The following GPATCH1 variants were observed in gnomAD, a reference collection of about 807,000 sequenced individuals.
GPATCH1 encodes the protein G patch domain-containing protein 1.
Under a neutral mutation model 114.9 loss-of-function variants are expected in GPATCH1, and 73 were observed. The ratio of observed to expected loss-of-function variants is 0.64; its 90% CI spans 0.53 to 0.77. GPATCH1 has a LOEUF of 0.77. Among genes scored for constraint, GPATCH1 ranks in the 30% least tolerant of loss-of-function variants. The probability of loss-of-function intolerance (pLI) is 0.00; values close to 1 mark genes in which losing one functional copy is unlikely to be tolerated. For missense variants in GPATCH1, 1,058 were observed against 1,144.3 expected (o/e 0.92, Z 1.09); for synonymous variants, 391 against 428.4 (o/e 0.91, Z 1.08).
At chr19:33,105,957 C>G (rs1249408252) in intron 9 of GPATCH1, among the ~76,000 whole-genome samples, 1 of 151,984 alleles carries the variant, frequency 6.6e-6, no homozygotes, top group Admixed American at 6.6e-5. Context: ...ACGCGACTCT[C>G]CTGCCTCAGC....
intron 8 of GPATCH1, 139 bp from the exon 9 acceptor site, chr19:33,101,356 T>C (rs1313934208): frequency 1.6e-6 from 1 of 624,430 alleles, no homozygotes; most frequent in Non-Finnish European, 2.8e-6. Flanking sequence ...TGTTCTTCCC[T>C]TTACTGCTGC....
intron 1 of GPATCH1, among the ~76,000 whole-genome samples, chr19:33,087,251 T>C (rs1047793526): frequency 6.7e-6 from 1 of 148,442 alleles, no homozygotes; most frequent in Non-Finnish European, 1.5e-5. Flanking sequence ...AATAACTTGA[T>C]TTTTTTTATT....
intron 19 of GPATCH1, among the ~76,000 whole-genome samples, chr19:33,128,732 G>T (rs1404767379): frequency 2.0e-5 from 3 of 152,210 alleles, no homozygotes; most frequent in Admixed American, 2.0e-4. Flanking sequence ...TTCTTTGAGT[G>T]TCTGGCTTCT....
At chr19:33,111,417 G>T (rs2145327956) in intron 11 of GPATCH1, among the ~76,000 whole-genome samples, 1 of 149,780 alleles carries the variant, frequency 6.7e-6, no homozygotes, top group South Asian at 2.1e-4. Context: ...GAGAGATGGG[G>T]TTTCACCATG....
chr19:33,118,556 C>T (rs1387945775), intron 16 of GPATCH1, among the ~76,000 whole-genome samples: 2 of 152,074 alleles, frequency 1.3e-5, no homozygotes, highest in African/African-American at 2.4e-5. Flanking sequence ...AGATTATTAA[C>T]GTGAATATGA....
At position 33,091,691 on chromosome 19, in the gene GPATCH1, A is replaced by G. The variant is rs1336303719; in HGVS notation, c.294+826A>G. On this transcript the variant is annotated intron_variant, in intron 3 of 19. Transcript: ENST00000170564. ...GGGTTGATCTGTGCAGCAAACCTCC[A>G]TGACACACATTTACCTGTGTAACAA... 3.9e-5 allele frequency among the ~76,000 whole-genome samples: 6 copies of G among 152,296 alleles called. No individual in the cohort carries two copies. In the East Asian group the frequency reaches 1.2e-3, roughly 29 times the overall value.
At chr19:33,104,722 G>C (rs1392443096) in intron 9 of GPATCH1, among the ~76,000 whole-genome samples, 1 of 152,082 alleles carries the variant, frequency 6.6e-6, no homozygotes, top group African/African-American at 2.4e-5. Flanking sequence ...GCGGAGAGAG[G>C]GGCCGGGAGA....
At chr19:33,127,519 TA>T (rs60093662) in intron 19 of GPATCH1, among the ~76,000 whole-genome samples, 46,646 of 106,420 alleles carry the variant, frequency 0.44, 8,756 homozygotes, top group African/African-American at 0.59. Context: ...CTTGTCTCAA[TA>T]AAAAAAAAAA....
intron 1 of GPATCH1, among the ~76,000 whole-genome samples, chr19:33,083,552 G>A (rs1972503557): frequency 6.6e-6 from 1 of 151,430 alleles, no homozygotes. Flanking sequence ...ATTCCACTAC[G>A]CCTGGCTAAT....
At chr19:33,095,911 C>G (rs1972652805) in intron 6 of GPATCH1, 91 bp downstream of exon 6, 1 of 929,828 alleles carries the variant, frequency 1.1e-6, no homozygotes, top group Admixed American at 1.7e-5. Flanking sequence ...TTTTAGAAAT[C>G]AGATCCAATA....
Position 33,109,992 on chromosome 19 carries a change from G to A in GPATCH1, c.1561G>A (p.Val521Ile), listed in dbSNP as rs201456156. The A allele has an allele frequency of 7.2e-5, 116 of 1,611,588 alleles. No homozygotes were observed. In the African/African-American group the frequency reaches 1.3e-3, roughly 18 times the overall value. Reference protein sequence around the residue: ...EKQKRYDEFLVHMKQGQKDAL... With the variant: ...EKQKRYDEFLIHMKQGQKDAL... ...GCAAAAGCGATACGACGAGTTCTTA[G>A]TACACATGAAACAGGGTCAGAAAGG... Residue 521 changes from valine (V) to isoleucine (I), a missense_variant, in exon 11 of 20, where the codon GTA becomes ATA. Physicochemically the swap from Val to Ile is conservative, Grantham distance 29 (BLOSUM62 3). This residue lies in a region of GPATCH1 where 893 missense variants were observed against 977.4 expected (regional missense o/e 0.91). Transcript: ENST00000170564.
Position 33,117,965 on chromosome 19 carries a change from T to C in GPATCH1, c.2337T>C (p.Asp779=), listed in dbSNP as rs780872849. Residue 779 remains aspartate, a synonymous_variant, in exon 16 of 20, where the codon GAT becomes GAC. Coordinates refer to ENST00000170564, the MANE Select transcript of GPATCH1 (RefSeq NM_018025.3). ...SEDEQGDSED[D]QAGSGEANFQ... ...ATGAGCAAGGTGACAGTGAAGATGA[T>C]CAGGCAGGCTCTGGGGAGGCCAACT... 12 of 1,613,706 alleles carry C rather than the reference T, an allele frequency of 7.4e-6. No individual in the cohort carries two copies. The East Asian group carries it at 2.5e-4, about 33-fold the overall frequency.
chr19:33,121,310 C>G (rs1163644397), intron 17 of GPATCH1, among the ~76,000 whole-genome samples: 2 of 137,840 alleles, frequency 1.5e-5, no homozygotes. Context: ...TTTTCTTTTT[C>G]TTTTCTTTTC....
At position 33,109,931 on chromosome 19, in the gene GPATCH1, C is replaced by T; in HGVS notation, c.1500C>T (p.Ala500=). ...GTGGTGGGACGGCCACCTTAAAAGC[C>T]AGCAACTTCAAGCCTTTCGCCAAAG... ...ALGGGTATLK[A]SNFKPFAKDP... The change falls in exon 11 of 20, where the codon GCC becomes GCT. Residue 500 remains alanine (A), a synonymous_variant. Transcript: ENST00000170564. The T allele has an allele frequency of 1.2e-6, 2 of 1,614,164 alleles. No homozygotes were observed. Among genetic ancestry groups the T allele is most frequent in the Non-Finnish European group, 8.5e-7 (1 of 1,180,020 alleles).
intron 3 of GPATCH1, among the ~76,000 whole-genome samples, chr19:33,093,075 C>A (rs1333693457): frequency 1.3e-5 from 2 of 152,110 alleles, no homozygotes; most frequent in Non-Finnish European, 2.9e-5. Flanking sequence ...GTAATCCCAG[C>A]TACTTGGGAG....
At chr19:33,115,415 T>A (rs1599863702) in intron 15 of GPATCH1, among the ~76,000 whole-genome samples, 1 of 151,326 alleles carries the variant, frequency 6.6e-6, no homozygotes, top group Admixed American at 6.6e-5. Context: ...TTATCCCTGG[T>A]AATTTTCTTT....
At chr19:33,088,299 C>A in intron 2 of GPATCH1, 31 bp downstream of exon 2, 1 of 1,481,706 alleles carries the variant, frequency 6.7e-7, no homozygotes, top group Non-Finnish European at 9.2e-7. Context: ...GCTATTATAC[C>A]ATTAAAGCAA....
chr19:33,098,522 G>A (rs1172984223), intron 8 of GPATCH1, among the ~76,000 whole-genome samples: 1 of 151,614 alleles, frequency 6.6e-6, no homozygotes, highest in East Asian at 1.9e-4. Context: ...GTGTAGAGTC[G>A]GTATTAGCAG....
At chr19:33,120,013 T>C (rs1403034664) in intron 17 of GPATCH1, among the ~76,000 whole-genome samples, 1 of 134,600 alleles carries the variant, frequency 7.4e-6, no homozygotes, top group African/African-American at 3.0e-5. Flanking sequence ...TTTTATATAT[T>C]TTATATATTT....
Sources: allele counts gnomAD v4.1 joint callset (sites outside exome capture counted in the v4.1 genomes callset), GRCh38; gene constraint gnomAD v4.1.1; regional missense constraint gnomAD v4.1.1; transcripts MANE v1.5; gene names NCBI Gene and HGNC (gene_info 2026-07-23, HGNC 2026-07-21).